MGAT4C: variants seen among roughly 807,000 people sequenced by gnomAD.
MGAT4C encodes the protein alpha-1,3-mannosyl-glycoprotein 4-beta-N-acetylglucosaminyltransferase C.
In MGAT4C, 19 loss-of-function variants were observed where a neutral mutation model predicts 40.1. That is an observed-to-expected ratio of 0.47 (90% confidence interval 0.33 to 0.70). MGAT4C has a LOEUF of 0.70. Ranked by LOEUF, MGAT4C falls within the 30% of genes least tolerant of loss-of-function variation. The pLI is 0.02. For synonymous variants in MGAT4C, 181 were observed against 187.1 expected (o/e 0.97, Z 0.27); for missense variants, 491 against 563.2 (o/e 0.87, Z 1.30).
At chr12:86,402,362 T>C (rs1592795913) in intron 3 of MGAT4C, among the ~76,000 whole-genome samples, 1 of 151,942 alleles carries the variant, frequency 6.6e-6, no homozygotes, top group Non-Finnish European at 1.5e-5. Flanking sequence ...GAGGTGGAGG[T>C]TGCAGTGAGC....
chr12:86,190,961 G>A (rs1307939332), intron 1 of MGAT4C, among the ~76,000 whole-genome samples: 1 of 151,922 alleles, frequency 6.6e-6, no homozygotes, highest in Non-Finnish European at 1.5e-5. Context: ...TTTCCAGACT[G>A]CCAGTCTGTG....
intron 2 of MGAT4C, among the ~76,000 whole-genome samples, chr12:86,596,674 T>C (rs1270362576): frequency 6.6e-6 from 1 of 152,208 alleles, no homozygotes; most frequent in African/African-American, 2.4e-5. Context: ...CTTTTGGCTA[T>C]AAGTCCCTTG....
At chr12:86,682,174 A>T (rs1163757091) in intron 2 of MGAT4C, among the ~76,000 whole-genome samples, 1 of 152,088 alleles carries the variant, frequency 6.6e-6, no homozygotes, top group Non-Finnish European at 1.5e-5. Context: ...ATTATGAGCA[A>T]GTTTTGTAGG....
intron 3 of MGAT4C, among the ~76,000 whole-genome samples, chr12:86,345,322 C>T (rs536190493): frequency 6.9e-4 from 104 of 151,552 alleles, no homozygotes; most frequent in African/African-American, 2.2e-3. Flanking sequence ...ATGTGCACAA[C>T]GTGCAGGTTT....
At chr12:86,585,495 C>T (rs1960978973) in intron 2 of MGAT4C, among the ~76,000 whole-genome samples, 1 of 151,246 alleles carries the variant, frequency 6.6e-6, no homozygotes, top group African/African-American at 2.4e-5. Context: ...AAAATTTTGC[C>T]TAAAGGTAAA....
At chr12:86,737,710 C>T (rs1048808318) in intron 1 of MGAT4C, among the ~76,000 whole-genome samples, 9 of 151,288 alleles carry the variant, frequency 5.9e-5, no homozygotes, top group African/African-American at 1.7e-4. Flanking sequence ...CCTGTTTTGT[C>T]TTCACCAACA....
intron 3 of MGAT4C, among the ~76,000 whole-genome samples, chr12:86,358,877 A>G (rs1196466447): frequency 2.0e-5 from 3 of 152,136 alleles, no homozygotes; most frequent in Non-Finnish European, 4.4e-5. Context: ...CAATAATAAT[A>G]GGACACTTTA....
intron 1 of MGAT4C, among the ~76,000 whole-genome samples, chr12:86,154,836 T>TGG (rs1414763203): frequency 6.6e-6 from 1 of 152,166 alleles, no homozygotes; most frequent in African/African-American, 2.4e-5. Context: ...GCTTCCCACG[T>TGG]GCCTGATCCT....
intron 2 of MGAT4C, among the ~76,000 whole-genome samples, chr12:86,506,325 T>A (rs1958472234): frequency 6.6e-6 from 1 of 152,214 alleles, no homozygotes; most frequent in African/African-American, 2.4e-5. Context: ...AGTTTTGTTT[T>A]GCCTTGTCTG....
chr12:86,629,604 C>T (rs1962957339), intron 2 of MGAT4C, among the ~76,000 whole-genome samples: 1 of 152,212 alleles, frequency 6.6e-6, no homozygotes, highest in African/African-American at 2.4e-5. Flanking sequence ...GGAACTCACT[C>T]AAAACCGCCC....
intron 1 of MGAT4C, among the ~76,000 whole-genome samples, chr12:86,774,154 A>G (rs771190452): frequency 6.6e-6 from 1 of 151,590 alleles, no homozygotes; most frequent in Admixed American, 6.6e-5. Context: ...GGATTTCACT[A>G]TGTTGGCCAG....
intron 2 of MGAT4C, among the ~76,000 whole-genome samples, chr12:86,024,071 A>T (rs138064428): frequency 3.8e-4 from 58 of 152,026 alleles, no homozygotes; most frequent in Admixed American, 3.1e-3. Flanking sequence ...ATTAATAGTG[A>T]TAGTATGCAT....
At chr12:86,476,209 C>A (rs1422837335) in intron 2 of MGAT4C, among the ~76,000 whole-genome samples, 1 of 151,978 alleles carries the variant, frequency 6.6e-6, no homozygotes, top group Non-Finnish European at 1.5e-5. Flanking sequence ...GGTTTAATAT[C>A]TAGAATCTAT....
chr12:86,030,285 G>A (rs1316923821), intron 2 of MGAT4C, among the ~76,000 whole-genome samples: 1 of 151,720 alleles, frequency 6.6e-6, no homozygotes, highest in Non-Finnish European at 1.5e-5. Context: ...ATGTTTATGT[G>A]TATAGAATGA....
intron 2 of MGAT4C, chr12:86,001,507 G>A (rs527940128): frequency 2.8e-5 from 12 of 421,384 alleles, no homozygotes; most frequent in East Asian, 1.6e-4. Flanking sequence ...TGAAGCTTTC[G>A]TCTTCACTTC....
intron 2 of MGAT4C, among the ~76,000 whole-genome samples, chr12:86,562,698 C>T (rs564182225): frequency 6.6e-6 from 1 of 152,028 alleles, no homozygotes; most frequent in Non-Finnish European, 1.5e-5. Flanking sequence ...AGAGTGTGAC[C>T]CATGAGGAGG....
intron 1 of MGAT4C, among the ~76,000 whole-genome samples, chr12:86,215,788 T>C (rs971713761): frequency 1.3e-5 from 2 of 152,144 alleles, no homozygotes; most frequent in Non-Finnish European, 2.9e-5. Context: ...GGGTCCAAAG[T>C]AGTCCACTAG....
chr12:86,386,253 A>G (rs76917807), intron 3 of MGAT4C, among the ~76,000 whole-genome samples: 1,676 of 152,304 alleles, frequency 0.011, 19 homozygotes, highest in East Asian at 0.045. Context: ...TGTTCAAGGC[A>G]CTGTGATAGT....
rs567203833 is a variant in MGAT4C, at chr12:86,728,428, C to T, written c.-261-1187G>A. ...ATGTTTGGCTGGTTGCAGTGGCTCA[C>T]GCCTGTAATCCCAGCACTTTAGGAG... On this transcript the variant is annotated intron_variant, in intron 1 of 7. Coordinates refer to the MGAT4C transcript ENST00000548651. Among the ~76,000 whole-genome samples, 78 of 152,294 alleles carry T rather than the reference C, an allele frequency of 5.1e-4. 1 individual carries two copies. Among genetic ancestry groups the T allele is most frequent in the Middle Eastern group, 3.4e-3 (1 of 294 alleles).
Sources: gnomAD v4.1 joint callset for allele counts (sites outside exome capture counted in the v4.1 genomes callset) on GRCh38, gnomAD v4.1.1 for gene constraint, MANE v1.5 for transcripts, NCBI Gene and HGNC (gene_info 2026-07-23, HGNC 2026-07-21) for gene names.